Variants in RBM14 observed in about 807,000 individuals in gnomAD.
RBM14 encodes the protein RNA-binding protein 14.
In RBM14, 5 loss-of-function variants were observed where a neutral mutation model predicts 52.8. That is an observed-to-expected ratio of 0.09 (90% CI 0.05 to 0.20). The LOEUF is 0.20. Ranked by LOEUF, RBM14 falls within the 10% of genes least tolerant of loss-of-function variation. The pLI is 1.00. For missense variants in RBM14, 780 were observed against 926.6 expected (o/e 0.84, Z 2.05); for synonymous variants, 411 against 401.8 (o/e 1.02, Z -0.28).
At chr11:66,617,932 G>A (rs899813804) in intron 1 of RBM14, among the ~76,000 whole-genome samples, 8 of 152,318 alleles carry the variant, frequency 5.3e-5, no homozygotes, top group African/African-American at 1.9e-4. Context: ...GGAGGGGTCT[G>A]TGAGAGCTCT....
At position 66,625,366 on chromosome 11, in the gene RBM14, C is replaced by T; in HGVS notation, c.1490C>T (p.Ser497Phe). The T allele has an allele frequency of 1.9e-6, 3 of 1,610,858 alleles. No individual in the cohort carries two copies. Among genetic ancestry groups the T allele is most frequent in the Non-Finnish European group, 2.5e-6 (3 of 1,179,118 alleles). ...GAQSAAAATGSYGAAAAYGAQ... is the reference protein window; with the variant it reads ...GAQSAAAATGFYGAAAAYGAQ... Reference sequence around the variant, plus strand: ...CAGTCGGCTGCTGCGGCCACTGGCTCCTATGGTGCCGCAGCAGCCTACGGG... The same window carrying T: ...CAGTCGGCTGCTGCGGCCACTGGCTTCTATGGTGCCGCAGCAGCCTACGGG... The change falls in exon 2 of 3, where the codon TCC (serine) becomes TTC (phenylalanine). Residue 497 changes from serine to phenylalanine, a missense_variant. Physicochemically the swap from Ser to Phe is radical, Grantham distance 155. This residue lies in a region of RBM14 where 675 missense variants were observed against 697.3 expected (regional missense o/e 0.97). Transcript: ENST00000310137. This position sits in a 1 kb window ranked among gnomAD's most constrained non-coding sequence, Gnocchi z 4.2.
intron 1 of RBM14, among the ~76,000 whole-genome samples, chr11:66,620,021 T>A (rs540157445): frequency 2.0e-4 from 31 of 152,346 alleles, no homozygotes; most frequent in African/African-American, 7.2e-4. Context: ...CTTCAGAGTT[T>A]CCTTGAATTA....
At chr11:66,622,072 C>T (rs1323056613) in intron 1 of RBM14, among the ~76,000 whole-genome samples, 1 of 151,724 alleles carries the variant, frequency 6.6e-6, no homozygotes, top group Non-Finnish European at 1.5e-5. Context: ...CCAGCCACCA[C>T]GCCCTGGTAA....
At chr11:66,619,623 C>T (rs477557) in intron 1 of RBM14, 64,971 of 150,618 alleles carry the variant, frequency 0.43, 15,838 homozygotes, top group South Asian at 0.6. Context: ...CTGGAGTGCA[C>T]TGGCGCCATC....
chr11:66,621,332 G>T (rs1448119423), intron 1 of RBM14, among the ~76,000 whole-genome samples: 1 of 152,080 alleles, frequency 6.6e-6, no homozygotes, highest in African/African-American at 2.4e-5. Flanking sequence ...GGTAGATAAG[G>T]CTCTGGCCAT....
At chr11:66,622,684 A>T (rs1859171259) in intron 1 of RBM14, among the ~76,000 whole-genome samples, 1 of 152,110 alleles carries the variant, frequency 6.6e-6, no homozygotes, top group South Asian at 2.1e-4. Context: ...GTCTTGTGTC[A>T]TTGTCTTCAA....
Position 66,624,058 on chromosome 11 carries a change from G to C in RBM14, c.338-156G>C. 8.0e-7 allele frequency: 1 copy of C among 1,249,422 alleles called. No homozygotes were observed. Among genetic ancestry groups the C allele is most frequent in the Non-Finnish European group, 1.1e-6 (1 of 872,086 alleles). The allele number at this position is 1,249,422 out of a possible 1,614,324, so 77.4% of individuals were successfully genotyped here. A position where few individuals can be genotyped will look rare whatever the true frequency, so the allele number is the denominator to read the frequency against. ...GGACAGTCAGAAGCTTTGTTATATG[G>C]GAGCTACATTTTATGACATACTCCT... is the stretch of plus-strand genomic sequence containing the variant. On this transcript the variant is annotated intron_variant, in intron 1 of 2. Transcript: ENST00000310137. This position sits in a 1 kb window ranked among gnomAD's most constrained non-coding sequence, Gnocchi z 4.7.
rs116716282 is a variant in RBM14, at chr11:66,624,032, G to T, written c.338-182G>T. ...AGGCTGTAGGCAAAGATGACTGCTT[G>T]GGACAGTCAGAAGCTTTGTTATATG... On this transcript the variant is annotated intron_variant, in intron 1 of 2. Transcript: ENST00000310137. The surrounding 1 kb of genome is among the most constrained non-coding windows in gnomAD (Gnocchi z 4.7). 1 of 1,034,536 alleles carries T rather than the reference G, an allele frequency of 9.7e-7. No individual in the cohort carries two copies. Among genetic ancestry groups the T allele is most frequent in the Non-Finnish European group, 1.5e-6 (1 of 675,794 alleles). The allele number at this position is 1,034,536 out of a possible 1,614,324, so 64.1% of individuals were successfully genotyped here.
rs2135019300 is a variant in RBM14, at chr11:66,624,078, A to G, written c.338-136A>G. ...ATATGGGAGCTACATTTTATGACAT[A>G]CTCCTGGAGAGGAGGGTTTGGAGGC... On this transcript the variant is annotated intron_variant, in intron 1 of 2. Transcript: ENST00000310137. This position sits in a 1 kb window ranked among gnomAD's most constrained non-coding sequence, Gnocchi z 4.7. 1 of 1,417,424 alleles carries G rather than the reference A, an allele frequency of 7.1e-7. No individual in the cohort carries two copies. The highest frequency in any genetic ancestry group is 1.9e-5 in the Admixed American group (1 of 51,958). 87.8% of individuals were successfully genotyped at this position (1,417,424 alleles called of 1,614,324 possible).
In RBM14 at chr11:66,628,147, A is replaced by AT. The variant is rs1222826877; in HGVS notation, c.*1481dup. Among the ~76,000 whole-genome samples, 3 of 152,064 alleles carry AT rather than the reference A, an allele frequency of 2.0e-5. No homozygotes were observed. The highest frequency in any genetic ancestry group is 4.4e-5 in the Non-Finnish European group (3 of 68,006). On this transcript the variant is annotated 3_prime_UTR_variant, in exon 3 of 3. Coordinates refer to ENST00000310137, the MANE Select transcript of RBM14 (RefSeq NM_006328.4). ...GAATTGAGGACTCTTCTGTGCTTTT[A>AT]TTGTAGGGCTGGGGATCGAGGATCT...
At chr11:66,620,123 C>T (rs988100026) in intron 1 of RBM14, among the ~76,000 whole-genome samples, 10 of 152,264 alleles carry the variant, frequency 6.6e-5, no homozygotes, top group African/African-American at 2.2e-4. Flanking sequence ...TTTAATCTAG[C>T]TAGGTCTGTG....
chr11:66,625,247 G>A lies in RBM14; in HGVS notation c.1371G>A (p.Met457Ile), dbSNP rs1299343778. ...ACGCCGCACAAGCCACTACCCCAAT[G>A]GCTGGCTCCTATGGGGCCCAGCCGG... is the stretch of plus-strand genomic sequence containing the variant. ...AAYAAQATTP[M>I]AGSYGAQPVV... Residue 457 changes from methionine to isoleucine, a missense_variant, in exon 2 of 3, where the codon ATG becomes ATA. Transcript: ENST00000310137. This position sits in a 1 kb window ranked among gnomAD's most constrained non-coding sequence, Gnocchi z 4.2. The A allele has an allele frequency of 1.2e-6, 2 of 1,612,622 alleles. No individual in the cohort carries two copies. Among genetic ancestry groups the A allele is most frequent in the Non-Finnish European group, 1.7e-6 (2 of 1,179,870 alleles).
At position 66,616,807 on chromosome 11, in the gene RBM14, G is replaced by C; in HGVS notation, c.87G>C (p.Met29Ile). Residue 29 changes from methionine to isoleucine, a missense_variant, in exon 1 of 3, where the codon ATG (methionine) becomes ATC (isoleucine). This residue lies in a region of RBM14 where 71 missense variants were observed against 119.2 expected (regional missense o/e 0.60). Coordinates refer to ENST00000310137, the MANE Select transcript of RBM14 (RefSeq NM_006328.4). ...TCTTTGCGCCCTACGGCACGGTCAT[G>C]AGCTGCGCCGTCATGAAACAGTTCG... ...AALFAPYGTVMSCAVMKQFAF... is the reference protein window; with the variant it reads ...AALFAPYGTVISCAVMKQFAF... 6.2e-7 allele frequency: 1 copy of C among 1,612,704 alleles called. No homozygotes were observed. The highest frequency in any genetic ancestry group is 8.5e-7 in the Non-Finnish European group (1 of 1,179,738).
chr11:66,618,646 G>T, intron 1 of RBM14: 1 of 687,252 alleles, frequency 1.5e-6, no homozygotes, highest in Non-Finnish European at 2.7e-6. Flanking sequence ...AAAGGGTGGG[G>T]TATATGAGTC....
chr11:66,626,410 A>G (rs768702755), intron 2 of RBM14, 51 bp from the exon 3 acceptor site: 3 of 1,537,134 alleles, frequency 2.0e-6, no homozygotes, highest in East Asian at 2.2e-5. Context: ...GCCCACCTGG[A>G]GTCCTCCCCT....
chr11:66,625,167 G>T lies in RBM14; in HGVS notation c.1291G>T (p.Ala431Ser), dbSNP rs750748554. The change falls in exon 2 of 3, where the codon GCC becomes TCC. Residue 431 changes from alanine (A) to serine (S), a missense_variant. Ala to Ser is a moderately conservative substitution (Grantham distance 99). Transcript: ENST00000310137. The surrounding 1 kb of genome is among the most constrained non-coding windows in gnomAD (Gnocchi z 4.2). ...TGCTTCCTACTCTTCCCAACCTGCT[G>T]CCTATGTGGCACAGCCAGCCACAGC... ...QAASYSSQPAAYVAQPATAAA... is the reference protein window; with the variant it reads ...QAASYSSQPASYVAQPATAAA... 1 of 1,612,420 alleles carries T rather than the reference G, an allele frequency of 6.2e-7. No homozygotes were observed. The highest frequency in any genetic ancestry group is 8.5e-7 in the Non-Finnish European group (1 of 1,179,972).
chr11:66,621,051 GC>G (rs1190650672), intron 1 of RBM14: 9 of 151,826 alleles, frequency 5.9e-5, no homozygotes, highest in African/African-American at 2.2e-4. Context: ...TGTTGCTCAG[GC>G]CAGAGTGCAG....
Position 66,625,763 on chromosome 11 carries a change from C to CG in RBM14, c.1802+87dup. 2 of 1,052,960 alleles carry CG rather than the reference C, an allele frequency of 1.9e-6. No individual in the cohort carries two copies. Among genetic ancestry groups the CG allele is most frequent in the South Asian group, 3.1e-5 (2 of 64,048 alleles). 65.2% of individuals were successfully genotyped at this position (1,052,960 alleles called of 1,614,324 possible). On this transcript the variant is annotated intron_variant, in intron 2 of 2. Transcript: ENST00000310137. The surrounding 1 kb of genome is among the most constrained non-coding windows in gnomAD (Gnocchi z 4.2). ...GGCATGGGAGGGAAACTGGAGGCAT[C>CG]GGCCCCTCCCTCGGTCTTCTCTTCT...
intron 1 of RBM14, among the ~76,000 whole-genome samples, chr11:66,619,863 G>T (rs938228387): frequency 2.0e-5 from 3 of 152,258 alleles, no homozygotes; most frequent in Non-Finnish European, 4.4e-5. Flanking sequence ...ACCGCGCCTA[G>T]CCCTCAAGTT....
Sources: gnomAD v4.1 joint callset for allele counts (sites outside exome capture counted in the v4.1 genomes callset) on GRCh38, gnomAD v4.1.1 for gene constraint, gnomAD v4.1.1 regional missense constraint, Gnocchi (gnomAD v3.1) non-coding constraint, MANE v1.5 for transcripts, NCBI Gene and HGNC (gene_info 2026-07-23, HGNC 2026-07-21) for gene names.